SMARCA2: variants seen among roughly 807,000 people sequenced by gnomAD.
The protein encoded by SMARCA2 is SWI/SNF-related matrix-associated actin-dependent regulator of chromatin subfamily A member 2.
SMARCA2 carries 61 observed loss-of-function variants against 199.8 expected under a neutral mutation model. The ratio of observed to expected loss-of-function variants is 0.31; its 90% CI spans 0.25 to 0.38. The LOEUF is 0.38. Ranked by LOEUF, SMARCA2 falls within the 10% of genes least tolerant of loss-of-function variation. The pLI, the probability that SMARCA2 is intolerant of heterozygous loss-of-function variation, is 1.00. For synonymous variants in SMARCA2, 935 were observed against 732.0 expected, an observed-to-expected ratio of 1.28 and a Z score of -4.48; for missense variants, 1,344 against 2,012.2, an observed-to-expected ratio of 0.67 and a Z score of 6.35.
intron 27 of SMARCA2, chr9:2,158,373 A>C (rs569534187): frequency 6.5e-6 from 1 of 153,346 alleles, no homozygotes; most frequent in African/African-American, 2.4e-5. Flanking sequence ...ACTTCGCTGT[A>C]GTTGTGTTTC....
chr9:2,124,596 C>G (rs1823607341), intron 27 of SMARCA2, among the ~76,000 whole-genome samples: 1 of 152,188 alleles, frequency 6.6e-6, no homozygotes, highest in Non-Finnish European at 1.5e-5. Flanking sequence ...TTGATCTGAT[C>G]TGTCCATCAC....
Position 2,123,978 on chromosome 9 carries a change from G to GT in SMARCA2, c.3981+46dup. On this transcript the variant is annotated intron_variant, in intron 27 of 33. Coordinates refer to ENST00000349721, the MANE Select transcript of SMARCA2 (RefSeq NM_003070.5). The surrounding 1 kb of genome is among the most constrained non-coding windows in gnomAD (Gnocchi z 4.1). ...CTAACCCGCTCTCACTAGGTGGAGG[G>GT]TTTTTGGTGGCTTGGAGAAACCAGG... is the stretch of plus-strand genomic sequence containing the variant. 6.6e-6 allele frequency: 10 copies of GT among 1,504,706 alleles called. No homozygotes were observed. The highest frequency in any genetic ancestry group is 7.2e-6 in the Non-Finnish European group (8 of 1,105,968). 93.2% of individuals were successfully genotyped at this position (1,504,706 alleles called of 1,614,324 possible). A position where few individuals can be genotyped will look rare whatever the true frequency, so the allele number is the denominator to read the frequency against.
chr9:2,181,067 C>T (rs994295036), intron 29 of SMARCA2, among the ~76,000 whole-genome samples: 5 of 151,964 alleles, frequency 3.3e-5, no homozygotes, highest in African/African-American at 1.2e-4. Flanking sequence ...TAGGTACGTA[C>T]GAAGGCTTTT....
intron 27 of SMARCA2, among the ~76,000 whole-genome samples, chr9:2,126,489 GC>G (rs1314388131): frequency 6.6e-6 from 1 of 152,240 alleles, no homozygotes; most frequent in Non-Finnish European, 1.5e-5. Flanking sequence ...AGCCTGTTAA[GC>G]TTTTTTGATG....
At chr9:2,160,502 G>A in intron 27 of SMARCA2, 1 of 601,624 alleles carries the variant, frequency 1.7e-6, no homozygotes, top group South Asian at 2.0e-5. Context: ...TTCTTTTTCA[G>A]GAAGCGTTGT....
chr9:2,061,086 G>C (rs1820571472), intron 9 of SMARCA2, 100 bp downstream of exon 9: 1 of 1,133,368 alleles, frequency 8.8e-7, no homozygotes, highest in African/African-American at 1.6e-5. Flanking sequence ...TACACTGGTG[G>C]AAGGTTTAGA....
chr9:2,143,791 A>T (rs1824580374), intron 27 of SMARCA2, among the ~76,000 whole-genome samples: 1 of 152,218 alleles, frequency 6.6e-6, no homozygotes, highest in Admixed American at 6.5e-5. Context: ...GATGTTTGGT[A>T]GGACAGTGGA....
chr9:2,116,138 C>A, intron 25 of SMARCA2, 89 bp downstream of exon 25: 1 of 950,696 alleles, frequency 1.1e-6, no homozygotes, highest in Non-Finnish European at 1.6e-6. Context: ...TAAAAAACTT[C>A]CTGGGCTGGC....
At chr9:2,098,806 G>A (rs1197790300) in intron 21 of SMARCA2, among the ~76,000 whole-genome samples, 1 of 152,060 alleles carries the variant, frequency 6.6e-6, no homozygotes, top group African/African-American at 2.4e-5. Flanking sequence ...AATTAGCTGG[G>A]TGTCGTGGCA....
chr9:2,168,626 A>G (rs1826064719), intron 28 of SMARCA2, among the ~76,000 whole-genome samples: 1 of 152,356 alleles, frequency 6.6e-6, no homozygotes, highest in African/African-American at 2.4e-5. Flanking sequence ...GGCTTCATCA[A>G]ACCAATGGAT....
chr9:2,105,744 A>G (rs923130247), intron 23 of SMARCA2, among the ~76,000 whole-genome samples: 11 of 152,334 alleles, frequency 7.2e-5, no homozygotes, highest in African/African-American at 2.6e-4. Flanking sequence ...TTCAAAAGAC[A>G]AACTGTCCTT....
Position 2,062,386 on chromosome 9 carries a change from T to TTACA in SMARCA2, c.1692+1401_1692+1402insACAT, listed in dbSNP as rs1820634727. Among the ~76,000 whole-genome samples the TTACA allele has an allele frequency of 6.6e-5, 10 of 152,354 alleles. 1 individual carries two copies. Reference sequence around the variant, plus strand: ...TGTTAGTGTTTTTAGTATTAAAATTTTTGTATTTTACATTTCTTTGTGATT... The same window carrying TTACA: ...TGTTAGTGTTTTTAGTATTAAAATTTTACATTGTATTTTACATTTCTTTGTGATT... On this transcript the variant is annotated intron_variant, in intron 9 of 33. Coordinates refer to ENST00000349721, the MANE Select transcript of SMARCA2 (RefSeq NM_003070.5).
At chr9:2,044,288 G>A (rs938782335) in intron 4 of SMARCA2, 4 of 152,284 alleles carry the variant, frequency 2.6e-5, no homozygotes, top group African/African-American at 7.2e-5. Context: ...TAGCTAGGAA[G>A]TGGAGTTTGC....
chr9:2,176,160 C>T (rs865802784), intron 29 of SMARCA2, among the ~76,000 whole-genome samples: 24 of 146,190 alleles, frequency 1.6e-4, no homozygotes, highest in Middle Eastern at 3.6e-3. Context: ...GGATTACAGG[C>T]ATGAGCCACC....
At chr9:2,019,913 A>G (rs1447835643) in intron 1 of SMARCA2, among the ~76,000 whole-genome samples, 1 of 152,094 alleles carries the variant, frequency 6.6e-6, no homozygotes, top group Non-Finnish European at 1.5e-5. Context: ...GAGAAATAAT[A>G]AATCACTATT....
intron 24 of SMARCA2, among the ~76,000 whole-genome samples, chr9:2,114,265 C>T (rs572017257): frequency 4.6e-5 from 7 of 152,328 alleles, no homozygotes; most frequent in African/African-American, 1.7e-4. Context: ...TGGGTCCCAG[C>T]TGTTTTCATG....
At chr9:2,142,230 CAAAAT>C (rs1824497710) in intron 27 of SMARCA2, among the ~76,000 whole-genome samples, 1 of 152,154 alleles carries the variant, frequency 6.6e-6, no homozygotes, top group African/African-American at 2.4e-5. Flanking sequence ...TGTCAAAAGA[CAAAAT>C]GACATCAAAT....
chr9:2,069,659 A>T (rs1426722393), intron 9 of SMARCA2, among the ~76,000 whole-genome samples: 1 of 152,208 alleles, frequency 6.6e-6, no homozygotes, highest in Non-Finnish European at 1.5e-5. Flanking sequence ...ACTATATGTT[A>T]TGAAAGAAAT....
intron 14 of SMARCA2, among the ~76,000 whole-genome samples, chr9:2,079,527 C>T (rs190706115): frequency 3.2e-4 from 48 of 152,312 alleles, no homozygotes; most frequent in Admixed American, 1.7e-3. Flanking sequence ...TCAGTGCAGA[C>T]GTCAACACAG....
Sources: allele counts gnomAD v4.1 joint callset (sites outside exome capture counted in the v4.1 genomes callset), GRCh38; gene constraint gnomAD v4.1.1; non-coding constraint Gnocchi (gnomAD v3.1); transcripts MANE v1.5; gene names NCBI Gene and HGNC (gene_info 2026-07-23, HGNC 2026-07-21).